EPCAM: variants seen among roughly 807,000 people sequenced by gnomAD.
EPCAM encodes the protein epithelial cell adhesion molecule.
In EPCAM, 39 loss-of-function variants were observed where a neutral mutation model predicts 40.0. That is an observed-to-expected ratio of 0.98 (90% CI 0.76 to 1.27). The LOEUF is 1.27. EPCAM is among the 50% of genes most tolerant of loss of function. The pLI is 0.00. For synonymous variants in EPCAM, 168 were observed against 132.3 expected (o/e 1.27, Z -1.85); for missense variants, 503 against 381.2 (o/e 1.32, Z -2.66).
intron 6 of EPCAM, 51 bp downstream of exon 6, chr2:47,379,105 C>T (rs765692314): frequency 3.1e-6 from 3 of 953,494 alleles, no homozygotes; most frequent in East Asian, 4.8e-5. Context: ...TCTATCATGC[C>T]TCAATGAATT....
rs1404167844 is a variant in EPCAM at position 47,369,441 on chromosome 2, C to T, written c.-65C>T. 3.3e-5 allele frequency: 45 copies of T among 1,346,240 alleles called. No individual in the cohort carries two copies. The highest frequency in any genetic ancestry group is 2.7e-4 in the Middle Eastern group (1 of 3,752). 83.4% of individuals were successfully genotyped at this position (1,346,240 alleles called of 1,614,324 possible). ...CCGGCCGGCTCCTCGTGTCCCACTC[C>T]CGGCGCACGCCCTCCCGCGAGTCCC... On this transcript the variant is annotated 5_prime_UTR_variant, in exon 1 of 9. Coordinates refer to ENST00000263735, the MANE Select transcript of EPCAM (RefSeq NM_002354.3).
rs369828181 is a variant in EPCAM at position 47,380,002 on chromosome 2, G to T, written c.858+33G>T. The T allele has an allele frequency of 7.2e-5, 114 of 1,578,208 alleles. No individual in the cohort carries two copies. The African/African-American group carries it at 1.4e-3, about 19-fold the overall frequency. ...CAGAACAAGTAAAATTTCATTTAAG[G>T]GTATATTTTTTCAAGAAAAAGTAAT... On this transcript the variant is annotated intron_variant, in intron 7 of 8. Coordinates refer to ENST00000263735, the MANE Select transcript of EPCAM (RefSeq NM_002354.3).
rs1302401227 is a variant in EPCAM at position 47,369,460 on chromosome 2, G to A, written c.-46G>A. 2.2e-6 allele frequency: 3 copies of A among 1,390,594 alleles called. No homozygotes were observed. The East Asian group carries it at 8.8e-5, about 41-fold the overall frequency. 86.1% of individuals were successfully genotyped at this position (1,390,594 alleles called of 1,614,324 possible). On this transcript the variant is annotated 5_prime_UTR_variant, in exon 1 of 9. Transcript: ENST00000263735. ...CCACTCCCGGCGCACGCCCTCCCGC[G>A]AGTCCCGGGCCCCTCCCGCGCCCCT... is the stretch of plus-strand genomic sequence containing the variant.
At chr2:47,384,958 C>A (rs1041983341) in intron 7 of EPCAM, among the ~76,000 whole-genome samples, 1 of 152,176 alleles carries the variant, frequency 6.6e-6, no homozygotes, top group Non-Finnish European at 1.5e-5. Context: ...CTTCCCGCTT[C>A]GGCCTCCCAA....
Position 47,379,878 on chromosome 2 carries a change from C to G in EPCAM, c.767C>G (p.Ala256Gly), listed in dbSNP as rs1558438641. The change falls in exon 7 of 9, where the codon GCA becomes GGA. Residue 256 changes from alanine (A) to glycine (G), a missense_variant. Physicochemically the swap from Ala to Gly is moderately conservative, Grantham distance 60. Transcript: ENST00000263735. ...TTAATTTATTATGTTGATGAAAAAG[C>G]ACCTGAATTCTCAATGCAGGGTCTA... is the stretch of plus-strand genomic sequence containing the variant. ...QTLIYYVDEK[A>G]PEFSMQGLKA... 6.2e-7 allele frequency: 1 copy of G among 1,614,152 alleles called. No individual in the cohort carries two copies. Among genetic ancestry groups the G allele is most frequent in the Non-Finnish European group, 8.5e-7 (1 of 1,180,040 alleles).
intron 6 of EPCAM, among the ~76,000 whole-genome samples, chr2:47,379,389 A>G (rs1025814243): frequency 1.2e-4 from 18 of 152,352 alleles, no homozygotes; most frequent in African/African-American, 3.6e-4. Context: ...AACTGATATG[A>G]TTAAAATATT....
intron 7 of EPCAM, chr2:47,383,353 G>A (rs1247528621): frequency 1.3e-5 from 2 of 152,058 alleles, no homozygotes; most frequent in Admixed American, 1.3e-4. Context: ...GCCCTGGCTG[G>A]AGTGCAGTGT....
intron 7 of EPCAM, among the ~76,000 whole-genome samples, chr2:47,384,078 T>G (rs959785772): frequency 2.0e-5 from 3 of 152,050 alleles, no homozygotes; most frequent in Non-Finnish European, 4.4e-5. Context: ...GACTTTTTTT[T>G]GTTTAGTAGT....
chr2:47,369,710 C>T (rs1286650057), intron 1 of EPCAM, 129 bp downstream of exon 1: 1 of 996,894 alleles, frequency 1.0e-6, no homozygotes, highest in Admixed American at 2.0e-5. Context: ...GCGTGGAGAC[C>T]GGACGGTGCG....
chr2:47,383,317 A>G (rs374467033), intron 7 of EPCAM: 12,713 of 153,812 alleles, frequency 0.083, 743 homozygotes, highest in East Asian at 0.16. Context: ...AAAAAAAAAA[A>G]AAAAGAAAAG....
At chr2:47,370,889 T>G (rs1325301447) in intron 1 of EPCAM, among the ~76,000 whole-genome samples, 1 of 152,078 alleles carries the variant, frequency 6.6e-6, no homozygotes, top group Non-Finnish European at 1.5e-5. Context: ...CTAATTTGTA[T>G]TTTTTGTAGA....
At chr2:47,380,660 A>T (rs886501564) in intron 7 of EPCAM, among the ~76,000 whole-genome samples, 4 of 152,246 alleles carry the variant, frequency 2.6e-5, no homozygotes, top group Non-Finnish European at 5.9e-5. Context: ...AAAGAGTTAA[A>T]AGTGATATGT....
In EPCAM at chr2:47,385,158, C is replaced by G. The variant is rs1254038895; in HGVS notation, c.859-8C>G. The G allele has an allele frequency of 1.2e-6, 2 of 1,609,164 alleles. No individual in the cohort carries two copies. Among genetic ancestry groups the G allele is most frequent in the Non-Finnish European group, 1.7e-6 (2 of 1,175,788 alleles). On this transcript the variant is annotated splice_polypyrimidine_tract_variant and splice_region_variant and intron_variant, in intron 7 of 8. Coordinates refer to ENST00000263735, the MANE Select transcript of EPCAM (RefSeq NM_002354.3). ...TCCTAAAACAATAGTTGTCTTTCTT[C>G]CACTCAGGTTATTTCCAGAAAGAAG...
Position 47,374,118 on chromosome 2 carries a change from T to C in EPCAM, c.425+70T>C, listed in dbSNP as rs4399765. The stretch of plus-strand genomic sequence containing the variant: ...TCATTTAATTAAATTTATTTTTGAT[T>C]ATGTAATATGATTTCATGGTTTAGA... On this transcript the variant is annotated intron_variant, in intron 3 of 8. Transcript: ENST00000263735. 0.12 allele frequency: 181,060 copies of C among 1,541,834 alleles called. 11,392 individuals carry two copies. Among genetic ancestry groups the C allele is most frequent in the East Asian group, 0.27 (11,411 of 42,586 alleles).
At chr2:47,380,121 C>A in intron 7 of EPCAM, 152 bp downstream of exon 7, 1 of 1,276,266 alleles carries the variant, frequency 7.8e-7, no homozygotes. Context: ...TTTGAGACCA[C>A]ACTGGGCAAC....
chr2:47,371,319 G>A (rs553592079), intron 1 of EPCAM, among the ~76,000 whole-genome samples: 1 of 151,552 alleles, frequency 6.6e-6, no homozygotes, highest in South Asian at 2.1e-4. Context: ...GGAGTGCAGT[G>A]GCACATTTAC....
chr2:47,377,892 A>G, intron 5 of EPCAM: 1 of 346,596 alleles, frequency 2.9e-6, no homozygotes, highest in Non-Finnish European at 5.7e-6. Flanking sequence ...GGTAGTATGA[A>G]TTTATTCAAG....
chr2:47,375,808 C>T (rs1053226101), intron 4 of EPCAM, among the ~76,000 whole-genome samples: 4 of 151,610 alleles, frequency 2.6e-5, no homozygotes, highest in East Asian at 3.9e-4. Context: ...CGGTTTCAAG[C>T]GATTCTCCTG....
At chr2:47,372,634 T>A (rs1209155759) in intron 1 of EPCAM, among the ~76,000 whole-genome samples, 2 of 152,026 alleles carry the variant, frequency 1.3e-5, no homozygotes, top group Admixed American at 6.6e-5. Context: ...TAGCCAGGTG[T>A]GGTGGCATAC....
Sources: allele counts gnomAD v4.1 joint callset (sites outside exome capture counted in the v4.1 genomes callset), GRCh38; gene constraint gnomAD v4.1.1; transcripts MANE v1.5; gene names NCBI Gene and HGNC (gene_info 2026-07-23, HGNC 2026-07-21).